Variants in ANKRD44 observed in about 807,000 individuals in gnomAD.
ANKRD44 encodes serine/threonine-protein phosphatase 6 regulatory ankyrin repeat subunit B.
ANKRD44 carries 35 observed loss-of-function variants against 116.0 expected under a neutral mutation model. The ratio of observed to expected loss-of-function variants is 0.30; its 90% CI spans 0.23 to 0.40. The LOEUF (loss-of-function observed/expected upper bound fraction) is 0.40, where lower values mean the gene tolerates loss of function less well. Ranked by LOEUF, ANKRD44 falls within the 10% of genes least tolerant of loss-of-function variation. The pLI, the probability that ANKRD44 is intolerant of heterozygous loss-of-function variation, is 1.00. For synonymous variants in ANKRD44, 435 were observed against 461.8 expected (o/e 0.94, Z 0.74); for missense variants, 1,014 against 1,242.6 (o/e 0.82, Z 2.77).
At position 197,083,500 on chromosome 2, in the gene ANKRD44, C is replaced by G. The variant is rs1392751165; in HGVS notation, c.1326G>C (p.Leu442Phe). The G allele has an allele frequency of 1.2e-6, 2 of 1,610,816 alleles. No homozygotes were observed. Among genetic ancestry groups the G allele is most frequent in the Non-Finnish European group, 8.5e-7 (1 of 1,178,436 alleles). The change falls in exon 14 of 28, where the codon TTG (leucine) becomes TTC (phenylalanine). Residue 442 changes from leucine to phenylalanine, a missense_variant. By Grantham distance (22) the Leu-to-Phe change is conservative. Coordinates refer to ENST00000282272, the MANE Select transcript of ANKRD44 (RefSeq NM_001195144.2). ...AATGACAATTCGCAGCTGCATAGTG[C>G]AAAGGGGTCCTGAAAAACAAACAGC... ...HKKDKCGRTP[L>F]HYAAANCHFH...
At position 197,009,731 on chromosome 2, in the gene ANKRD44, C is replaced by T. The variant is rs193249500; in HGVS notation, c.1925-700G>A. ...TCCATTGTTGCCGCTGGATCCCCCT[C>T]GGCTTCCAGCTCAAGGTAGTTTCCA... On this transcript the variant is annotated intron_variant, in intron 18 of 27. Transcript: ENST00000282272. Among the ~76,000 whole-genome samples, 368 of 152,278 alleles carry T rather than the reference C, an allele frequency of 2.4e-3. 1 individual carries two copies. The highest frequency in any genetic ancestry group is 8.3e-3 in the African/African-American group (345 of 41,550).
intron 9 of ANKRD44, among the ~76,000 whole-genome samples, chr2:197,103,267 G>A (rs2078345136): frequency 6.6e-6 from 1 of 151,100 alleles, no homozygotes; most frequent in Admixed American, 6.6e-5. Flanking sequence ...GAATGTATTA[G>A]TCTTTTATCA....
chr2:197,281,636 G>T (rs1393396818), intron 1 of ANKRD44, among the ~76,000 whole-genome samples: 4 of 152,150 alleles, frequency 2.6e-5, no homozygotes, highest in Non-Finnish European at 5.9e-5. Flanking sequence ...GGAAAATGAG[G>T]AAATGATGTT....
intron 15 of ANKRD44, among the ~76,000 whole-genome samples, chr2:197,080,381 T>C (rs183156553): frequency 1.3e-4 from 20 of 152,342 alleles, no homozygotes; most frequent in African/African-American, 4.1e-4. Flanking sequence ...AGCCAACAGA[T>C]GCACATGACG....
At position 196,980,318 on chromosome 2, in the gene ANKRD44, T is replaced by G. The variant is rs1426644366; in HGVS notation, c.2369-12872A>C. On this transcript the variant is annotated intron_variant, in intron 21 of 21. Transcript: ENST00000424317. ...CCAGGTAACATTCTCCTAACAAAAT[T>G]TTTTACAAGTTTTAAGTAATAATAA... Among the ~76,000 whole-genome samples, 4 of 152,102 alleles carry G rather than the reference T, an allele frequency of 2.6e-5. No homozygotes were observed. The East Asian group carries it at 7.7e-4, about 29-fold the overall frequency.
At chr2:197,048,813 C>T (rs1416840509) in intron 16 of ANKRD44, among the ~76,000 whole-genome samples, 3 of 151,884 alleles carry the variant, frequency 2.0e-5, no homozygotes, top group East Asian at 1.9e-4. Context: ...AGTGTAAAAG[C>T]GTTCCTATTT....
At chr2:197,149,966 A>G (rs949848321) in intron 2 of ANKRD44, among the ~76,000 whole-genome samples, 14 of 152,244 alleles carry the variant, frequency 9.2e-5, no homozygotes, top group African/African-American at 2.7e-4. Context: ...TTCTAGCCCA[A>G]TGACATCCTT....
At chr2:196,993,304 T>G (rs532236339) in intron 27 of ANKRD44, among the ~76,000 whole-genome samples, 4 of 152,238 alleles carry the variant, frequency 2.6e-5, no homozygotes, top group African/African-American at 7.2e-5. Flanking sequence ...AAACTCTTAG[T>G]GTGTCTAAGA....
intron 2 of ANKRD44, among the ~76,000 whole-genome samples, chr2:197,157,898 T>C (rs2079861506): frequency 6.6e-6 from 1 of 152,166 alleles, no homozygotes; most frequent in African/African-American, 2.4e-5. Flanking sequence ...CTTGGGATCT[T>C]ACCACTGTGC....
intron 19 of ANKRD44, among the ~76,000 whole-genome samples, chr2:197,008,667 G>A (rs1559413353): frequency 6.6e-6 from 1 of 152,154 alleles, no homozygotes; most frequent in African/African-American, 2.4e-5. Flanking sequence ...GGCGGAAAGA[G>A]GGAACAAAGG....
intron 2 of ANKRD44, among the ~76,000 whole-genome samples, chr2:197,179,027 C>A (rs957321069): frequency 1.1e-4 from 16 of 151,964 alleles, no homozygotes; most frequent in Admixed American, 1.0e-3. Flanking sequence ...GCTATAACCA[C>A]ACCACCGCAC....
chr2:197,022,038 T>C lies in ANKRD44; in HGVS notation c.1722+3158A>G, dbSNP rs1299752727. Among the ~76,000 whole-genome samples the C allele has an allele frequency of 3.9e-5, 6 of 152,200 alleles. No homozygotes were observed. The East Asian group carries it at 7.7e-4, about 19-fold the overall frequency. On this transcript the variant is annotated intron_variant, in intron 17 of 27. Coordinates refer to ENST00000282272, the MANE Select transcript of ANKRD44 (RefSeq NM_001195144.2). ...CCAATAACCCTGGAGATTTGAATCA[T>C]TCAGCCAGGAAATAGTAACTCAAGG...
chr2:196,975,586 C>T (rs2075750935), intron 21 of ANKRD44, among the ~76,000 whole-genome samples: 1 of 150,118 alleles, frequency 6.7e-6, no homozygotes, highest in African/African-American at 2.4e-5. Flanking sequence ...GAGTTCAAAA[C>T]CAGCCTAGCC....
intron 4 of ANKRD44, 113 bp from the exon 5 acceptor site, chr2:197,126,150 T>C: frequency 9.9e-7 from 1 of 1,014,998 alleles, no homozygotes; most frequent in Non-Finnish European, 1.5e-6. Flanking sequence ...TCCCCAACCC[T>C]ACAGGCTGGC....
At chr2:197,081,108 G>A (rs910790242) in intron 15 of ANKRD44, among the ~76,000 whole-genome samples, 3 of 152,308 alleles carry the variant, frequency 2.0e-5, no homozygotes, top group South Asian at 2.1e-4. Context: ...AAAGAGCTAC[G>A]TCTCTGTTAG....
At chr2:197,124,164 CT>C (rs973348760) in intron 6 of ANKRD44, among the ~76,000 whole-genome samples, 55 of 149,524 alleles carry the variant, frequency 3.7e-4, no homozygotes, top group East Asian at 7.8e-4. Flanking sequence ...TCCATGTCAA[CT>C]TTTTTTTTTA....
chr2:197,218,962 G>A (rs2081520000), intron 1 of ANKRD44, among the ~76,000 whole-genome samples: 1 of 151,284 alleles, frequency 6.6e-6, no homozygotes, highest in Non-Finnish European at 1.5e-5. Context: ...GTTTCTCCAT[G>A]TTGGCCAGGC....
intron 2 of ANKRD44, among the ~76,000 whole-genome samples, chr2:197,149,961 G>C (rs917111471): frequency 6.6e-6 from 1 of 152,184 alleles, no homozygotes; most frequent in Non-Finnish European, 1.5e-5. Context: ...ATGGGTTCTA[G>C]CCCAATGACA....
intron 1 of ANKRD44, among the ~76,000 whole-genome samples, chr2:197,225,974 C>T (rs931162611): frequency 3.4e-4 from 51 of 152,186 alleles, no homozygotes; most frequent in African/African-American, 1.1e-3. Context: ...CTCTATGCAT[C>T]TTTCTCCCAA....
Sources: gnomAD v4.1 joint callset for allele counts (sites outside exome capture counted in the v4.1 genomes callset) on GRCh38, gnomAD v4.1.1 for gene constraint, MANE v1.5 for transcripts, NCBI Gene and HGNC (gene_info 2026-07-23, HGNC 2026-07-21) for gene names.